The following MTHFD2L variants were observed in gnomAD, a reference collection of about 807,000 sequenced individuals.
The protein encoded by MTHFD2L is methylenetetrahydrofolate dehydrogenase (NADP+ dependent) 2 like, also known as bifunctional methylenetetrahydrofolate dehydrogenase/cyclohydrolase 2, mitochondrial.
MTHFD2L carries 29 observed loss-of-function variants against 34.9 expected under a neutral mutation model. The observed-to-expected ratio is 0.83, with a 90% CI of 0.62 to 1.13. The LOEUF is 1.13. Among genes scored for constraint, MTHFD2L ranks in the 50% most tolerant of loss-of-function variants. The pLI, the probability that MTHFD2L is intolerant of heterozygous loss-of-function variation, is 0.00. For missense variants in MTHFD2L, 481 were observed against 446.5 expected (o/e 1.08, Z -0.70); for synonymous variants, 167 against 155.7 (o/e 1.07, Z -0.54).
At chr4:74,221,664 A>G (rs1029130578) in intron 5 of MTHFD2L, among the ~76,000 whole-genome samples, 16 of 151,954 alleles carry the variant, frequency 1.1e-4, no homozygotes, top group African/African-American at 3.9e-4. Context: ...AGCAAAACAT[A>G]TAATTAGATT....
intron 7 of MTHFD2L, among the ~76,000 whole-genome samples, chr4:74,292,400 A>G (rs1402544130): frequency 6.6e-6 from 1 of 152,144 alleles, no homozygotes; most frequent in Non-Finnish European, 1.5e-5. Flanking sequence ...GTTGTTTCTC[A>G]GTGATCCATA....
chr4:74,157,592 A>G (rs541887903), upstream of MTHFD2L: 19 of 443,994 alleles, frequency 4.3e-5, no homozygotes, highest in Non-Finnish European at 8.2e-5. Flanking sequence ...GAAATCCTAA[A>G]GTCCAGACCT....
chr4:74,126,344 T>TATAAATAGACATA (rs1722070241), intron 1 of MTHFD2L, among the ~76,000 whole-genome samples: 1 of 152,128 alleles, frequency 6.6e-6, no homozygotes, highest in Non-Finnish European at 1.5e-5. Flanking sequence ...TATATATACA[T>TATAAATAGACATA]TTCGGAAAGA....
chr4:74,189,057 T>C lies in MTHFD2L; in HGVS notation c.452-10737T>C, dbSNP rs112408292. 3.0e-3 allele frequency among the ~76,000 whole-genome samples: 459 copies of C among 152,142 alleles called. 3 individuals carry two copies. The highest frequency in any genetic ancestry group is 0.01 in the African/African-American group (436 of 41,532). On this transcript the variant is annotated intron_variant, in intron 3 of 7. Transcript: ENST00000325278. ...GAGAATGGACTAATTGGGTAGACTATAAGGTTAAATATAGATTAAGGTTAA... is the reference window on the plus strand; with the variant it reads ...GAGAATGGACTAATTGGGTAGACTACAAGGTTAAATATAGATTAAGGTTAA...
chr4:74,178,569 G>A (rs1729500324), intron 3 of MTHFD2L, among the ~76,000 whole-genome samples: 1 of 151,794 alleles, frequency 6.6e-6, no homozygotes, highest in South Asian at 2.1e-4. Flanking sequence ...TTGTTTGAGT[G>A]TCTCAAACAG....
At position 74,171,123 on chromosome 4, in the gene MTHFD2L, TATA is replaced by T. The variant is rs1440986721; in HGVS notation, c.144-3372_144-3370del. Among the ~76,000 whole-genome samples the T allele has an allele frequency of 2.3e-4, 35 of 151,994 alleles. No individual in the cohort carries two copies. The East Asian group carries it at 6.0e-3, about 26-fold the overall frequency. ...TGCACATGTACCCTAAAACTTAAAG[TATA>T]ATAATAATAAAATTAAAAAAATTCA... On this transcript the variant is annotated intron_variant, in intron 1 of 7. Coordinates refer to ENST00000325278, the MANE Select transcript of MTHFD2L (RefSeq NM_001144978.3).
At chr4:74,169,468 A>G (rs1727445005) in intron 1 of MTHFD2L, among the ~76,000 whole-genome samples, 1 of 152,230 alleles carries the variant, frequency 6.6e-6, no homozygotes, top group Middle Eastern at 3.2e-3. Context: ...CAGTAGCATC[A>G]CTACTCACAT....
At chr4:74,219,972 A>G (rs917118901) in intron 5 of MTHFD2L, among the ~76,000 whole-genome samples, 5 of 152,230 alleles carry the variant, frequency 3.3e-5, no homozygotes, top group African/African-American at 4.8e-5. Flanking sequence ...TTTGCCTGCA[A>G]CTTTACAGAT....
intron 5 of MTHFD2L, among the ~76,000 whole-genome samples, chr4:74,222,716 CTT>C (rs1738424149): frequency 6.6e-6 from 1 of 152,032 alleles, no homozygotes; most frequent in African/African-American, 2.4e-5. Context: ...TAAACTGTGT[CTT>C]TTAGCATGTT....
chr4:74,284,033 C>G (rs1033010635), intron 7 of MTHFD2L, among the ~76,000 whole-genome samples: 4 of 152,118 alleles, frequency 2.6e-5, no homozygotes, highest in Non-Finnish European at 5.9e-5. Context: ...AAAAGTTTCA[C>G]TATAACTATA....
At position 74,158,217 on chromosome 4, in the gene MTHFD2L, C is replaced by A; in HGVS notation, c.79C>A (p.Pro27Thr). The A allele has an allele frequency of 1.3e-6, 2 of 1,515,432 alleles. No homozygotes were observed. The highest frequency in any genetic ancestry group is 1.8e-6 in the Non-Finnish European group (2 of 1,132,074). The allele number at this position is 1,515,432 out of a possible 1,614,324, so 93.9% of individuals were successfully genotyped here. The change falls in exon 1 of 8, where the codon CCC (proline) becomes ACC (threonine). Residue 27 changes from proline to threonine, a missense_variant. Transcript: ENST00000325278. ...RAPALGRSTA[P>T]SVRAPGEPGS... The stretch of plus-strand genomic sequence containing the variant: ...GCCGGCGTTGGGCAGAAGCACAGCA[C>A]CCTCCGTAAGGGCACCGGGAGAGCC...
intron 1 of MTHFD2L, among the ~76,000 whole-genome samples, chr4:74,147,610 G>A (rs1393348689): frequency 6.6e-6 from 1 of 152,200 alleles, no homozygotes; most frequent in Non-Finnish European, 1.5e-5. Context: ...GGGAATCCAA[G>A]ATGGAGAAAA....
chr4:74,267,368 CTTTT>C (rs1560544578), intron 6 of MTHFD2L: 4 of 455,954 alleles, frequency 8.8e-6, no homozygotes, highest in Non-Finnish European at 8.5e-6. Flanking sequence ...CTTCCTTTCT[CTTTT>C]TTCTTTCTTT....
intron 5 of MTHFD2L, among the ~76,000 whole-genome samples, chr4:74,219,130 T>C (rs1737713134): frequency 6.6e-6 from 1 of 152,098 alleles, no homozygotes; most frequent in African/African-American, 2.4e-5. Context: ...ACTATATTAT[T>C]TTATATCAGA....
chr4:74,201,211 A>T, intron 4 of MTHFD2L, 52 bp from the exon 5 acceptor site: 2 of 1,383,934 alleles, frequency 1.4e-6, no homozygotes, highest in Non-Finnish European at 2.0e-6. Context: ...ACAAATGTTT[A>T]ATTTACTTCT....
At chr4:74,282,727 G>A (rs867908328) in intron 7 of MTHFD2L, among the ~76,000 whole-genome samples, 13 of 152,200 alleles carry the variant, frequency 8.5e-5, no homozygotes, top group East Asian at 1.9e-4. Flanking sequence ...CAGATGTACC[G>A]TACCAAAGAA....
At chr4:74,266,746 C>G in intron 6 of MTHFD2L, 1 of 541,272 alleles carries the variant, frequency 1.8e-6, no homozygotes, top group Non-Finnish European at 2.4e-6. Flanking sequence ...CTCCACTTCT[C>G]TCCTGTCTAT....
intron 1 of MTHFD2L, among the ~76,000 whole-genome samples, chr4:74,128,125 G>C (rs754607056): frequency 2.0e-5 from 3 of 151,932 alleles, no homozygotes; most frequent in Non-Finnish European, 4.4e-5. Flanking sequence ...AATTGTTGGA[G>C]CTCCTTATAT....
chr4:74,171,810 A>T (rs1026936008), intron 1 of MTHFD2L, among the ~76,000 whole-genome samples: 2 of 152,214 alleles, frequency 1.3e-5, no homozygotes, highest in East Asian at 3.8e-4. Context: ...CACAAAAAAA[A>T]TATTTTAAAG....
Sources: allele counts gnomAD v4.1 joint callset (sites outside exome capture counted in the v4.1 genomes callset), GRCh38; gene constraint gnomAD v4.1.1; transcripts MANE v1.5; gene names NCBI Gene and HGNC (gene_info 2026-07-23, HGNC 2026-07-21).